Variants in TLN2 observed in about 807,000 individuals in gnomAD.
TLN2 encodes the protein talin 2.
TLN2 carries 118 observed loss-of-function variants against 294.7 expected under a neutral mutation model. The observed-to-expected ratio is 0.40, with a 90% CI of 0.34 to 0.47. The LOEUF (loss-of-function observed/expected upper bound fraction) is 0.47. Among genes scored for constraint, TLN2 ranks in the 20% least tolerant of loss-of-function variants. The probability of loss-of-function intolerance (pLI) is 0.84; values close to 1 mark genes in which losing one functional copy is unlikely to be tolerated. For missense variants in TLN2, 3,083 were observed against 3,282.2 expected, an observed-to-expected ratio of 0.94 and a Z score of 1.48; for synonymous variants, 1,431 against 1,304.5, an observed-to-expected ratio of 1.10 and a Z score of -2.09.
intron 3 of TLN2, among the ~76,000 whole-genome samples, chr15:62,619,776 G>C (rs946543724): frequency 6.6e-6 from 1 of 152,146 alleles, no homozygotes; most frequent in Admixed American, 6.5e-5. Flanking sequence ...GGAGGGTAGC[G>C]TGTTCCCACT....
rs2070557881 is a variant in TLN2, at chr15:62,840,609, A to T, written c.7628A>T (p.Ter2543LeuextTer15). 6.2e-7 allele frequency: 1 copy of T among 1,613,750 alleles called. No homozygotes were observed. The highest frequency in any genetic ancestry group is 1.7e-5 in the Admixed American group (1 of 59,940). Reference sequence around the variant, plus strand: ...ACCGAGCTGAGGGAAGATGAGGGCTAAAGGTGCGAGCCCAGATGGCGAGCC... The same window carrying T: ...ACCGAGCTGAGGGAAGATGAGGGCTTAAGGTGCGAGCCCAGATGGCGAGCC... ...LPTELREDEG* is the reference protein window; with the variant it reads ...LPTELREDEGL The change falls in exon 59 of 59, where the codon TAA (stop) becomes TTA (leucine). Residue 2543 changes from the stop codon to leucine (L), a stop_lost. Transcript: ENST00000636159.
At chr15:62,433,537 A>G (rs938906614) in intron 1 of TLN2, among the ~76,000 whole-genome samples, 2 of 152,046 alleles carry the variant, frequency 1.3e-5, no homozygotes, top group African/African-American at 4.8e-5. Context: ...CCTCTTGACT[A>G]TGGACTGTGA....
At chr15:62,612,091 G>C (rs1169955444) in intron 2 of TLN2, among the ~76,000 whole-genome samples, 3 of 146,074 alleles carry the variant, frequency 2.1e-5, no homozygotes, top group Admixed American at 2.0e-4. Flanking sequence ...ACCGCCCCCT[G>C]ACCCAGCATC....
At chr15:62,785,837 C>G (rs988260202) in intron 45 of TLN2, among the ~76,000 whole-genome samples, 2 of 152,010 alleles carry the variant, frequency 1.3e-5, no homozygotes, top group African/African-American at 4.8e-5. Flanking sequence ...GTGAAACAAG[C>G]AGATTTTTTT....
At chr15:62,523,736 G>A (rs75746790) in intron 1 of TLN2, among the ~76,000 whole-genome samples, 3,167 of 152,266 alleles carry the variant, frequency 0.021, 37 homozygotes, top group Non-Finnish European at 0.028. Context: ...TTTTTAAAAC[G>A]TGGTACATTT....
intron 3 of TLN2, among the ~76,000 whole-genome samples, chr15:62,632,063 G>C (rs1218584902): frequency 2.6e-5 from 4 of 152,158 alleles, no homozygotes; most frequent in African/African-American, 9.6e-5. Flanking sequence ...CTAGTTAGAA[G>C]TTATGTGTGC....
chr15:62,453,992 G>A (rs995023912), intron 1 of TLN2, among the ~76,000 whole-genome samples: 23 of 152,288 alleles, frequency 1.5e-4, no homozygotes, highest in African/African-American at 5.3e-4. Context: ...GGTGCCAGTG[G>A]CTGACCCCTG....
intron 1 of TLN2, among the ~76,000 whole-genome samples, chr15:62,423,372 AAAAAC>A (rs771263523): frequency 1.5e-3 from 227 of 152,184 alleles, no homozygotes; most frequent in Middle Eastern, 6.8e-3. Flanking sequence ...CCCTTTTTTA[AAAAAC>A]AAAACAAAAC....
chr15:62,683,784 G>A (rs1277951543), intron 11 of TLN2, among the ~76,000 whole-genome samples: 1 of 152,176 alleles, frequency 6.6e-6, no homozygotes, highest in African/African-American at 2.4e-5. Context: ...GGAGATAAAA[G>A]GAAGCTGGTC....
intron 1 of TLN2, among the ~76,000 whole-genome samples, chr15:62,399,039 C>T (rs2032791061): frequency 6.6e-6 from 1 of 152,056 alleles, no homozygotes; most frequent in African/African-American, 2.4e-5. Flanking sequence ...GCCGCTCCAG[C>T]AGTGGCTACA....
At position 62,762,467 on chromosome 15, in the gene TLN2, C is replaced by G; in HGVS notation, c.4961+14C>G. The G allele has an allele frequency of 6.2e-7, 1 of 1,611,104 alleles. No homozygotes were observed. The highest frequency in any genetic ancestry group is 8.5e-7 in the Non-Finnish European group (1 of 1,177,858). ...CACTTCTATCAGGTCAGTTTCCCATCCGGAGGTTGCTGCCAGCCTGCATCT... is the reference window on the plus strand; with the variant it reads ...CACTTCTATCAGGTCAGTTTCCCATGCGGAGGTTGCTGCCAGCCTGCATCT... On this transcript the variant is annotated intron_variant, in intron 39 of 58. Transcript: ENST00000636159.
chr15:62,572,589 A>G lies in TLN2; in HGVS notation c.-237-17098A>G, dbSNP rs150480613. Among the ~76,000 whole-genome samples, 251 of 152,268 alleles carry G rather than the reference A, an allele frequency of 1.6e-3. No individual in the cohort carries two copies. In the Middle Eastern group the frequency reaches 0.041, roughly 25 times the overall value. On this transcript the variant is annotated intron_variant, in intron 1 of 58. Transcript: ENST00000636159. ...GATCTACTCTCTGCCAAACTTTTCT[A>G]TGCCAGTATCTGGCACCAGCCTGAG...
chr15:62,650,241 G>C lies in TLN2; in HGVS notation c.234+60G>C, dbSNP rs1015455971. 7.1e-6 allele frequency: 11 copies of C among 1,546,286 alleles called. No homozygotes were observed. The African/African-American group carries it at 1.5e-4, about 21-fold the overall frequency. ...CTTTGTCCCTGGGCCTTCTTCCATAGACGCCAACACGGTTACGCTATTTTG... is the reference window on the plus strand; with the variant it reads ...CTTTGTCCCTGGGCCTTCTTCCATACACGCCAACACGGTTACGCTATTTTG... On this transcript the variant is annotated intron_variant, in intron 5 of 58. Transcript: ENST00000636159.
chr15:62,785,666 A>G (rs1177330045), intron 45 of TLN2, among the ~76,000 whole-genome samples: 3 of 150,882 alleles, frequency 2.0e-5, no homozygotes, highest in African/African-American at 7.3e-5. Context: ...AAAAAAAAAA[A>G]GGGGAAGAAG....
chr15:62,772,852 TG>T (rs913189469), intron 42 of TLN2, among the ~76,000 whole-genome samples: 2 of 151,734 alleles, frequency 1.3e-5, no homozygotes, highest in African/African-American at 4.8e-5. Context: ...TTAGTAGAGA[TG>T]GGGTTTCACC....
chr15:62,751,038 T>C (rs1179554473), intron 34 of TLN2, among the ~76,000 whole-genome samples: 1 of 151,954 alleles, frequency 6.6e-6, no homozygotes, highest in African/African-American at 2.4e-5. Context: ...TAAGATAATA[T>C]AATGGCTTGT....
At chr15:62,558,399 C>G (rs117338583) in intron 1 of TLN2, among the ~76,000 whole-genome samples, 1,568 of 152,176 alleles carry the variant, frequency 0.01, 10 homozygotes, top group Non-Finnish European at 0.015. Context: ...TTTTGCATTC[C>G]TGCTCCCACC....
At chr15:62,703,496 C>T (rs1012491332) in intron 19 of TLN2, among the ~76,000 whole-genome samples, 1 of 151,888 alleles carries the variant, frequency 6.6e-6, no homozygotes, top group Non-Finnish European at 1.5e-5. Flanking sequence ...TGTCACCTAA[C>T]CTCTGTGATC....
chr15:62,535,004 C>A (rs1336540322), intron 1 of TLN2, among the ~76,000 whole-genome samples: 1 of 152,200 alleles, frequency 6.6e-6, no homozygotes, highest in Non-Finnish European at 1.5e-5. Context: ...TCTGCCTAAG[C>A]TCTGTGAGGG....
Sources: allele counts gnomAD v4.1 joint callset (sites outside exome capture counted in the v4.1 genomes callset), GRCh38; gene constraint gnomAD v4.1.1; transcripts MANE v1.5; gene names NCBI Gene and HGNC (gene_info 2026-07-23, HGNC 2026-07-21).